The following IGBP1 variants were observed in gnomAD, a reference collection of about 807,000 sequenced individuals.
The protein encoded by IGBP1 is immunoglobulin binding protein 1.
In IGBP1, 2 loss-of-function variants were observed where a neutral mutation model predicts 25.9. The ratio of observed to expected loss-of-function variants is 0.08; its 90% CI spans 0.03 to 0.24. The LOEUF is 0.24. Among genes scored for constraint, IGBP1 ranks in the 10% least tolerant of loss-of-function variants. IGBP1 has a pLI of 1.00. For missense variants in IGBP1, 187 were observed against 260.4 expected, an observed-to-expected ratio of 0.72 and a Z score of 1.94; for synonymous variants, 96 against 93.4, an observed-to-expected ratio of 1.03 and a Z score of -0.16.
rs1457452258 is a variant in IGBP1, at chrX:70,142,486, T to G, written c.483-4147T>G. Among the ~76,000 whole-genome samples the G allele has an allele frequency of 5.4e-5, 6 of 110,451 alleles. No homozygotes were observed. The East Asian group carries it at 1.4e-3, about 26-fold the overall frequency. On this transcript the variant is annotated intron_variant, in intron 3 of 6. Coordinates refer to ENST00000356413, the MANE Select transcript of IGBP1 (RefSeq NM_001551.3). ...ATAGAGTGAGGCCCGGAAGAATGTG[T>G]GGGGGGTACTAGATTGATAACAAAA...
chrX:70,148,016 A>T (rs1349546934), intron 4 of IGBP1, among the ~76,000 whole-genome samples: 3 of 111,369 alleles, frequency 2.7e-5, no homozygotes, highest in Non-Finnish European at 5.7e-5. Flanking sequence ...TTGAGGCTGG[A>T]CTTTTCTGGG....
chrX:70,166,258 C>G lies in IGBP1; in HGVS notation c.*277C>G. The G allele has an allele frequency of 3.6e-6, 1 of 275,905 alleles. No homozygotes were observed. The allele number at this position is 275,905 out of a possible 1,213,427, so 22.7% of individuals were successfully genotyped here. A position where few individuals can be genotyped will look rare whatever the true frequency, so the allele number is the denominator to read the frequency against. ...GTGCTGAGAAATGGCTCTGTATAAT[C>G]TATGGCTATCCGAATTCTCTGAAAA... On this transcript the variant is annotated 3_prime_UTR_variant, in exon 7 of 7. Transcript: ENST00000356413.
intron 6 of IGBP1, chrX:70,165,292 A>C (rs181857112): frequency 3.1e-3 from 375 of 122,929 alleles, no homozygotes; most frequent in African/African-American, 0.012. Context: ...ACTGCAAAAT[A>C]ATACGTAGGC....
chrX:70,148,156 G>C (rs2147578367), intron 4 of IGBP1, among the ~76,000 whole-genome samples: 1 of 112,011 alleles, frequency 8.9e-6, no homozygotes, highest in South Asian at 3.7e-4. Flanking sequence ...TTCTGAAAGT[G>C]ATCGAGCTAG....
chrX:70,160,377 G>A (rs2085264857), intron 6 of IGBP1, among the ~76,000 whole-genome samples: 2 of 112,035 alleles, frequency 1.8e-5, no homozygotes, highest in Non-Finnish European at 3.8e-5. Flanking sequence ...GATTTATAAA[G>A]GAAAGCAACT....
intron 3 of IGBP1, among the ~76,000 whole-genome samples, chrX:70,138,853 C>T (rs1046946471): frequency 5.4e-5 from 6 of 112,049 alleles, no homozygotes; most frequent in Non-Finnish European, 1.1e-4. Context: ...ATGCCATAAA[C>T]AAACATCTTT....
At chrX:70,162,182 T>C (rs1466731102) in intron 6 of IGBP1, among the ~76,000 whole-genome samples, 1 of 111,784 alleles carries the variant, frequency 8.9e-6, no homozygotes, top group Non-Finnish European at 1.9e-5. Context: ...AATACCACTT[T>C]GGTCAGGTCA....
At chrX:70,137,701 A>G (rs2085103460) in intron 3 of IGBP1, among the ~76,000 whole-genome samples, 1 of 103,617 alleles carries the variant, frequency 9.7e-6, no homozygotes, top group Non-Finnish European at 2.0e-5. Context: ...GCGGCCTGTC[A>G]GCAGATAATA....
chrX:70,149,309 C>A (rs2085188179), intron 5 of IGBP1, among the ~76,000 whole-genome samples: 1 of 110,704 alleles, frequency 9.0e-6, no homozygotes, highest in African/African-American at 3.3e-5. Context: ...CTGAAACTTT[C>A]TCCATGTCTG....
rs1368077872 is a variant in IGBP1, at chrX:70,166,279, G to GA, written c.*304dup. ...TAATCTATGGCTATCCGAATTCTCTGAAAAAATAATAAAAGTCCCCTCTAT... is the reference window on the plus strand; with the variant it reads ...TAATCTATGGCTATCCGAATTCTCTGAAAAAAATAATAAAAGTCCCCTCTAT... On this transcript the variant is annotated 3_prime_UTR_variant, in exon 7 of 7. Coordinates refer to ENST00000356413, the MANE Select transcript of IGBP1 (RefSeq NM_001551.3). The GA allele has an allele frequency of 1.3e-5, 3 of 228,757 alleles. No homozygotes were observed. Among genetic ancestry groups the GA allele is most frequent in the Non-Finnish European group, 2.4e-5 (3 of 127,111 alleles). 18.9% of individuals were successfully genotyped at this position (228,757 alleles called of 1,213,427 possible).
At chrX:70,136,100 G>A (rs1181435393) in intron 3 of IGBP1, among the ~76,000 whole-genome samples, 1 of 111,621 alleles carries the variant, frequency 9.0e-6, no homozygotes, top group Non-Finnish European at 1.9e-5. Flanking sequence ...ATGGGTCATA[G>A]AGTCAGAGAC....
chrX:70,160,105 G>GC (rs1215736592), intron 6 of IGBP1, among the ~76,000 whole-genome samples: 2 of 110,959 alleles, frequency 1.8e-5, no homozygotes, highest in Admixed American at 9.5e-5. Context: ...GGTCCCAGCT[G>GC]CCCCCCTGGG....
chrX:70,147,487 A>G (rs1387058266), intron 4 of IGBP1, among the ~76,000 whole-genome samples: 1 of 111,422 alleles, frequency 9.0e-6, no homozygotes, highest in Non-Finnish European at 1.9e-5. Context: ...ATGGAGAAGA[A>G]AGGTAGAACT....
At chrX:70,158,796 A>T (rs1283009029) in intron 6 of IGBP1, among the ~76,000 whole-genome samples, 1 of 112,027 alleles carries the variant, frequency 8.9e-6, no homozygotes, top group East Asian at 2.8e-4. Context: ...GTGAGTCGAG[A>T]TCGTGCCACT....
chrX:70,162,732 G>C (rs1050095273), intron 6 of IGBP1, among the ~76,000 whole-genome samples: 1 of 112,122 alleles, frequency 8.9e-6, no homozygotes, highest in Non-Finnish European at 1.9e-5. Context: ...CCAGCACTTT[G>C]GGAGGCTTAG....
At position 70,146,826 on chromosome X, in the gene IGBP1, G is replaced by A. The variant is rs190102791; in HGVS notation, c.676G>A (p.Glu226Lys). The change falls in exon 4 of 7, where the codon GAG (glutamate) becomes AAG (lysine). Residue 226 changes from glutamate (E) to lysine (K), a missense_variant and splice_region_variant. Coordinates refer to ENST00000356413, the MANE Select transcript of IGBP1 (RefSeq NM_001551.3). Reference sequence around the variant, plus strand: ...CCTGAGAGAAAGAGACTCTTCAAGAGAGGTAAGCCTGGCCAGAGAAATCTA... The same window carrying A: ...CCTGAGAGAAAGAGACTCTTCAAGAAAGGTAAGCCTGGCCAGAGAAATCTA... ...KILRERDSSR[E>K]ASTSNSSRQE... 5.1e-6 allele frequency: 6 copies of A among 1,182,790 alleles called. No individual in the cohort carries two copies. The African/African-American group carries it at 8.8e-5, about 17-fold the overall frequency.
chrX:70,149,785 A>G (rs1416201459), intron 5 of IGBP1: 1 of 148,165 alleles, frequency 6.7e-6, no homozygotes, highest in Non-Finnish European at 1.3e-5. Context: ...GCCTTCAGCT[A>G]CGATTCTCAA....
At chrX:70,142,589 CAGG>C (rs1238688657) in intron 3 of IGBP1, among the ~76,000 whole-genome samples, 2 of 110,040 alleles carry the variant, frequency 1.8e-5, no homozygotes, top group Non-Finnish European at 3.8e-5. Context: ...GAGGCTGAGG[CAGG>C]AGGGTCATTT....
intron 6 of IGBP1, among the ~76,000 whole-genome samples, chrX:70,151,772 G>T (rs1158543258): frequency 1.8e-5 from 2 of 110,335 alleles, no homozygotes; most frequent in Admixed American, 9.7e-5. Flanking sequence ...CATCTTCTCG[G>T]GAGGCTGAGG....
Sources: allele counts gnomAD v4.1 joint callset (sites outside exome capture counted in the v4.1 genomes callset), GRCh38; gene constraint gnomAD v4.1.1; transcripts MANE v1.5; gene names NCBI Gene and HGNC (gene_info 2026-07-23, HGNC 2026-07-21).